Variants in BTBD9 observed in about 807,000 individuals in gnomAD.
BTBD9 encodes BTB domain containing 9.
In BTBD9, 49 loss-of-function variants were observed where a neutral mutation model predicts 64.3. The observed-to-expected ratio is 0.76, with a 90% CI of 0.61 to 0.97. The LOEUF (loss-of-function observed/expected upper bound fraction) is 0.97, where lower values mean the gene tolerates loss of function less well. BTBD9 is among the 50% of genes least tolerant of loss of function. The probability of loss-of-function intolerance (pLI) is 0.00; values close to 1 mark genes in which losing one functional copy is unlikely to be tolerated. For synonymous variants in BTBD9, 260 were observed against 274.7 expected (o/e 0.95, Z 0.53); for missense variants, 598 against 762.1 (o/e 0.78, Z 2.53).
At chr6:38,257,063 C>CTTTTTTTTTTTT (rs745545678) in intron 8 of BTBD9, among the ~76,000 whole-genome samples, 2 of 111,382 alleles carry the variant, frequency 1.8e-5, no homozygotes, top group African/African-American at 6.7e-5. Flanking sequence ...TTGCACACTT[C>CTTTTTTTTTTTT]TTTTTTTTTT....
rs115463165 is a variant in BTBD9, at chr6:38,371,651, C to T, written c.1155-26558G>A. ...TTCCTAAAGCAATAGACTCTACTGT[C>T]CACCTTCTGTAAATAATAAATCTCT... On this transcript the variant is annotated intron_variant, in intron 6 of 10. Transcript: ENST00000481247. Among the ~76,000 whole-genome samples, 495 of 152,284 alleles carry T rather than the reference C, an allele frequency of 3.3e-3. 3 individuals are homozygous for T. Among genetic ancestry groups the T allele is most frequent in the African/African-American group, 0.011 (458 of 41,558 alleles).
intron 6 of BTBD9, among the ~76,000 whole-genome samples, chr6:38,411,291 T>C (rs1582385202): frequency 6.6e-6 from 1 of 152,176 alleles, no homozygotes; most frequent in Admixed American, 6.5e-5. Context: ...AGAGCAGATA[T>C]TAAAACATGT....
At chr6:38,380,707 T>C (rs1406569780) in intron 6 of BTBD9, among the ~76,000 whole-genome samples, 1 of 151,286 alleles carries the variant, frequency 6.6e-6, no homozygotes, top group Non-Finnish European at 1.5e-5. Flanking sequence ...CAGCTGGGAG[T>C]GGTAATGTGC....
chr6:38,183,025 G>C (rs1195060648), intron 10 of BTBD9, among the ~76,000 whole-genome samples: 1 of 150,736 alleles, frequency 6.6e-6, no homozygotes, highest in South Asian at 2.1e-4. Context: ...TGTCGCCCAG[G>C]CTGGAGTGCA....
intron 6 of BTBD9, among the ~76,000 whole-genome samples, chr6:38,527,263 CAAAAAAAAAAAAAAAAA>C (rs55979438): frequency 3.2e-4 from 17 of 53,340 alleles, no homozygotes; most frequent in African/African-American, 1.1e-3. Flanking sequence ...GACTCTGTCT[CAAAAAAAAAAAAAAAAA>C]AAAAAAAAAA....
At chr6:38,185,823 G>A (rs1044242478) in intron 10 of BTBD9, among the ~76,000 whole-genome samples, 1 of 152,080 alleles carries the variant, frequency 6.6e-6, no homozygotes, top group Non-Finnish European at 1.5e-5. Context: ...CCTAGTATAC[G>A]TATTCTTTGG....
chr6:38,294,043 T>C (rs533890843), intron 7 of BTBD9, among the ~76,000 whole-genome samples: 1 of 151,892 alleles, frequency 6.6e-6, no homozygotes, highest in African/African-American at 2.4e-5. Context: ...AAAGAAGACA[T>C]TTATGCCAAC....
intron 7 of BTBD9, among the ~76,000 whole-genome samples, chr6:38,320,543 C>G (rs907914373): frequency 2.0e-5 from 3 of 152,158 alleles, no homozygotes; most frequent in African/African-American, 7.2e-5. Flanking sequence ...AGGCAATGGA[C>G]TAGAAAGCAG....
chr6:38,486,251 T>A (rs564981591), intron 6 of BTBD9, among the ~76,000 whole-genome samples: 14 of 152,360 alleles, frequency 9.2e-5, no homozygotes, highest in Admixed American at 9.1e-4. Context: ...ACTTTCTCCA[T>A]ATCAGCAATG....
intron 9 of BTBD9, among the ~76,000 whole-genome samples, chr6:38,197,230 C>G (rs1244241177): frequency 6.6e-6 from 1 of 152,170 alleles, no homozygotes; most frequent in Non-Finnish European, 1.5e-5. Flanking sequence ...GCCAGGCAAT[C>G]TGAATCCCAT....
intron 6 of BTBD9, among the ~76,000 whole-genome samples, chr6:38,545,202 C>T (rs1774477771): frequency 6.6e-6 from 1 of 151,864 alleles, no homozygotes; most frequent in Admixed American, 6.5e-5. Context: ...AGCAATTCTC[C>T]TACCTCAGCC....
intron 9 of BTBD9, among the ~76,000 whole-genome samples, chr6:38,214,702 T>C (rs149969976): frequency 1.6e-4 from 25 of 152,350 alleles, no homozygotes; most frequent in Non-Finnish European, 3.7e-4. Context: ...CTGGGCTTCC[T>C]GTGTGCCCAA....
chr6:38,273,632 A>G (rs1166934787), intron 8 of BTBD9, among the ~76,000 whole-genome samples: 1 of 152,250 alleles, frequency 6.6e-6, no homozygotes, highest in African/African-American at 2.4e-5. Context: ...GGGGATGACC[A>G]TACCAGAGAA....
chr6:38,356,602 A>G (rs1418570247), intron 6 of BTBD9, among the ~76,000 whole-genome samples: 4 of 152,100 alleles, frequency 2.6e-5, no homozygotes, highest in Admixed American at 2.6e-4. Flanking sequence ...TAAAGTTTCC[A>G]TATCCTTATA....
chr6:38,360,245 A>C (rs1040492425), intron 6 of BTBD9, among the ~76,000 whole-genome samples: 2 of 152,210 alleles, frequency 1.3e-5, no homozygotes, highest in Non-Finnish European at 2.9e-5. Flanking sequence ...TGTGGGATTA[A>C]ATAATACATG....
intron 9 of BTBD9, among the ~76,000 whole-genome samples, chr6:38,215,518 G>C (rs1199143387): frequency 6.6e-6 from 1 of 152,194 alleles, no homozygotes; most frequent in African/African-American, 2.4e-5. Context: ...GCTGGATGAC[G>C]TCGCACATAC....
At chr6:38,549,850 T>C (rs1354678456) in intron 6 of BTBD9, among the ~76,000 whole-genome samples, 4 of 152,156 alleles carry the variant, frequency 2.6e-5, no homozygotes, top group Non-Finnish European at 4.4e-5. Context: ...AGGATCTCCA[T>C]TTTGCCAAAT....
At chr6:38,614,279 T>C (rs1039575958) in intron 1 of BTBD9, among the ~76,000 whole-genome samples, 3 of 152,136 alleles carry the variant, frequency 2.0e-5, no homozygotes, top group African/African-American at 7.2e-5. Flanking sequence ...GCCCCTATCA[T>C]ACCTTGCTAT....
intron 6 of BTBD9, chr6:38,566,135 T>C (rs958541072): frequency 2.6e-5 from 4 of 152,288 alleles, no homozygotes; most frequent in Admixed American, 1.3e-4. Flanking sequence ...TATAAAGATA[T>C]ATGTGTAAGG....
Sources: gnomAD v4.1 joint callset for allele counts (sites outside exome capture counted in the v4.1 genomes callset) on GRCh38, gnomAD v4.1.1 for gene constraint, MANE v1.5 for transcripts, NCBI Gene and HGNC (gene_info 2026-07-23, HGNC 2026-07-21) for gene names.